PBX1: variants seen among roughly 807,000 people sequenced by gnomAD.
PBX1 encodes PBX homeobox 1, also known as pre-B-cell leukemia transcription factor 1.
A neutral mutation model predicts 53.4 loss-of-function variants in PBX1; 6 were observed. The ratio of observed to expected loss-of-function variants is 0.11; its 90% CI spans 0.06 to 0.22. The LOEUF is 0.22. PBX1 is among the 10% of genes least tolerant of loss of function. The pLI is 1.00. For synonymous variants in PBX1, 204 were observed against 212.3 expected (o/e 0.96, Z 0.34); for missense variants, 251 against 551.4 (o/e 0.46, Z 5.46).
rs558927660 is a variant in PBX1, at chr1:164,718,717, G to A, written c.266-73777G>A. ...AGAGGTTGCCTGACTGATGGTTGCC[G>A]GAGACTCAGAATGCTTTTGACTCTT... On this transcript the variant is annotated intron_variant, in intron 2 of 8. Coordinates refer to ENST00000420696, the MANE Select transcript of PBX1 (RefSeq NM_002585.4). Among the ~76,000 whole-genome samples the A allele has an allele frequency of 9.2e-4, 140 of 152,210 alleles. 1 individual carries two copies. The highest frequency in any genetic ancestry group is 3.2e-3 in the African/African-American group (133 of 41,516).
At chr1:164,601,443 A>C (rs771154705) in intron 2 of PBX1, among the ~76,000 whole-genome samples, 2 of 152,166 alleles carry the variant, frequency 1.3e-5, no homozygotes, top group Non-Finnish European at 1.5e-5. Flanking sequence ...AGGAAGCCTC[A>C]TTCACTTTCA....
At chr1:164,808,065 C>T (rs558688454) in intron 5 of PBX1, among the ~76,000 whole-genome samples, 3 of 152,282 alleles carry the variant, frequency 2.0e-5, no homozygotes, top group African/African-American at 7.2e-5. Context: ...AACCCAGGAA[C>T]TTTAAGAGTC....
At chr1:164,604,620 T>C (rs571881448) in intron 2 of PBX1, among the ~76,000 whole-genome samples, 51 of 152,206 alleles carry the variant, frequency 3.4e-4, no homozygotes, top group Non-Finnish European at 5.6e-4. Context: ...TATCCACTTA[T>C]TATAGCGGCA....
At chr1:164,746,459 C>G (rs990447282) in intron 2 of PBX1, among the ~76,000 whole-genome samples, 2 of 152,204 alleles carry the variant, frequency 1.3e-5, no homozygotes, top group African/African-American at 4.8e-5. Context: ...TCACTGCAAC[C>G]TCCACCTCCC....
At chr1:164,620,289 A>T (rs566404085) in intron 2 of PBX1, among the ~76,000 whole-genome samples, 2 of 152,302 alleles carry the variant, frequency 1.3e-5, no homozygotes, top group East Asian at 3.9e-4. Flanking sequence ...AAAATAGCAC[A>T]TCTGTTTTAC....
At chr1:164,671,137 A>G (rs570086204) in intron 2 of PBX1, among the ~76,000 whole-genome samples, 1 of 152,108 alleles carries the variant, frequency 6.6e-6, no homozygotes, top group Non-Finnish European at 1.5e-5. Flanking sequence ...CACCGACAGA[A>G]ATCACAAAAC....
chr1:164,619,460 A>AG (rs903605752), intron 2 of PBX1, among the ~76,000 whole-genome samples: 1 of 152,048 alleles, frequency 6.6e-6, no homozygotes, highest in Non-Finnish European at 1.5e-5. Context: ...GCAGTGAGTG[A>AG]GGGGATCGGT....
At chr1:164,830,365 C>T (rs1670695493) in intron 8 of PBX1, among the ~76,000 whole-genome samples, 1 of 152,140 alleles carries the variant, frequency 6.6e-6, no homozygotes, top group South Asian at 2.1e-4. Flanking sequence ...GCTGTGAAAA[C>T]AGAGTAGACT....
chr1:164,652,337 C>T (rs1296826492), intron 2 of PBX1, among the ~76,000 whole-genome samples: 2 of 152,218 alleles, frequency 1.3e-5, no homozygotes, highest in Non-Finnish European at 2.9e-5. Flanking sequence ...GCAGATTTTC[C>T]TCCCCTCACT....
intron 2 of PBX1, among the ~76,000 whole-genome samples, chr1:164,862,447 G>A (rs982403791): frequency 2.6e-5 from 4 of 152,032 alleles, no homozygotes; most frequent in Non-Finnish European, 4.4e-5. Context: ...GCTCTCTTCC[G>A]AACCAAGAAC....
intron 2 of PBX1, among the ~76,000 whole-genome samples, chr1:164,768,629 C>T (rs1667198487): frequency 6.6e-6 from 1 of 152,242 alleles, no homozygotes; most frequent in African/African-American, 2.4e-5. Context: ...TTGCCTTGTG[C>T]TGAGTGTAGC....
chr1:164,855,761 CA>C (rs1671963479), downstream of PBX1, among the ~76,000 whole-genome samples: 1 of 152,182 alleles, frequency 6.6e-6, no homozygotes, highest in African/African-American at 2.4e-5. Context: ...TGTTGAAAAA[CA>C]GCCACCAACA....
intron 2 of PBX1, among the ~76,000 whole-genome samples, chr1:164,735,261 C>T (rs1047282268): frequency 6.6e-6 from 1 of 152,118 alleles, no homozygotes; most frequent in Non-Finnish European, 1.5e-5. Flanking sequence ...AATAAATATC[C>T]CTAGATATGC....
At chr1:164,600,890 C>T (rs969760863) in intron 2 of PBX1, among the ~76,000 whole-genome samples, 8 of 152,130 alleles carry the variant, frequency 5.3e-5, no homozygotes, top group South Asian at 4.1e-4. Flanking sequence ...CATCTTCATA[C>T]CTGAGGAATG....
At chr1:164,750,776 G>T (rs1666168611) in intron 2 of PBX1, among the ~76,000 whole-genome samples, 1 of 152,224 alleles carries the variant, frequency 6.6e-6, no homozygotes, top group Non-Finnish European at 1.5e-5. Flanking sequence ...GGAACAGAAA[G>T]CCTGCATTCA....
intron 8 of PBX1, among the ~76,000 whole-genome samples, chr1:164,846,012 G>A (rs779817734): frequency 6.6e-5 from 10 of 151,836 alleles, no homozygotes; most frequent in African/African-American, 1.9e-4. Context: ...AAGTTCATTC[G>A]TGGGCTTATC....
chr1:164,716,576 C>T (rs1246416669), intron 2 of PBX1, among the ~76,000 whole-genome samples: 1 of 151,870 alleles, frequency 6.6e-6, no homozygotes, highest in Non-Finnish European at 1.5e-5. Flanking sequence ...TGTGAAAGGC[C>T]AAGTGTGGTG....
At chr1:164,628,726 TTCTC>T (rs943320927) in intron 2 of PBX1, among the ~76,000 whole-genome samples, 14 of 152,100 alleles carry the variant, frequency 9.2e-5, no homozygotes, top group African/African-American at 3.1e-4. Flanking sequence ...ATCTCTCTCT[TTCTC>T]TCTCTATCTA....
intron 2 of PBX1, among the ~76,000 whole-genome samples, chr1:164,640,815 C>T (rs1659096254): frequency 6.6e-6 from 1 of 152,104 alleles, no homozygotes; most frequent in Non-Finnish European, 1.5e-5. Flanking sequence ...GTCTTGGCCT[C>T]CCAAAGTGCT....
Sources: allele counts gnomAD v4.1 joint callset (sites outside exome capture counted in the v4.1 genomes callset), GRCh38; gene constraint gnomAD v4.1.1; transcripts MANE v1.5; gene names NCBI Gene and HGNC (gene_info 2026-07-23, HGNC 2026-07-21).